The following SLC41A2 variants were observed in gnomAD, a reference collection of about 807,000 sequenced individuals.
SLC41A2 encodes solute carrier family 41 member 2.
A neutral mutation model predicts 58.3 loss-of-function variants in SLC41A2; 32 were observed. The ratio of observed to expected loss-of-function variants is 0.55; its 90% confidence interval spans 0.41 to 0.74. The LOEUF is 0.74. SLC41A2 is among the 30% of genes least tolerant of loss of function. The pLI is 0.00. For synonymous variants in SLC41A2, 190 were observed against 235.0 expected, an observed-to-expected ratio of 0.81 and a Z score of 1.75; for missense variants, 514 against 680.6, an observed-to-expected ratio of 0.76 and a Z score of 2.72.
intron 3 of SLC41A2, among the ~76,000 whole-genome samples, chr12:104,897,144 CTTTTTT>C (rs71440558): frequency 1.0e-4 from 12 of 120,290 alleles, no homozygotes; most frequent in South Asian, 2.6e-4. Context: ...TTTCTTTTTT[CTTTTTT>C]TTTTTTTTTT....
At chr12:104,905,222 T>C (rs1348760079) in intron 3 of SLC41A2, among the ~76,000 whole-genome samples, 1 of 152,164 alleles carries the variant, frequency 6.6e-6, no homozygotes, top group Non-Finnish European at 1.5e-5. Context: ...TTGGTGTGTT[T>C]ACAAACCTTG....
intron 10 of SLC41A2, among the ~76,000 whole-genome samples, chr12:104,819,641 T>C (rs1021446293): frequency 1.3e-5 from 2 of 152,226 alleles, no homozygotes; most frequent in Non-Finnish European, 2.9e-5. Flanking sequence ...GTGCTAGATA[T>C]TGACTATTGG....
At chr12:104,827,244 G>A (rs897297483) in intron 10 of SLC41A2, among the ~76,000 whole-genome samples, 1 of 152,186 alleles carries the variant, frequency 6.6e-6, no homozygotes, top group Non-Finnish European at 1.5e-5. Context: ...CTGATATCAG[G>A]AGGAAGCTAT....
intron 1 of SLC41A2, among the ~76,000 whole-genome samples, chr12:104,932,046 C>CCA (rs2047074661): frequency 6.6e-6 from 1 of 152,154 alleles, no homozygotes; most frequent in Non-Finnish European, 1.5e-5. Flanking sequence ...ATGCCACAGA[C>CCA]CACATATCAC....
chr12:104,810,354 G>C (rs1346919535), intron 10 of SLC41A2, among the ~76,000 whole-genome samples: 1 of 151,820 alleles, frequency 6.6e-6, no homozygotes, highest in Non-Finnish European at 1.5e-5. Context: ...AATGAGGGTA[G>C]CTAATTTCTC....
intron 4 of SLC41A2, among the ~76,000 whole-genome samples, chr12:104,892,321 TA>T (rs1218672461): frequency 0.016 from 1,959 of 119,384 alleles, 216 homozygotes; most frequent in African/African-American, 0.075. Flanking sequence ...TAAAATAAAA[TA>T]AAATAAAATA....
At chr12:104,866,410 A>T (rs1403778814) in intron 7 of SLC41A2, 22 bp downstream of exon 7, 3 of 1,594,808 alleles carry the variant, frequency 1.9e-6, no homozygotes, top group Non-Finnish European at 2.6e-6. Context: ...ACACACACAC[A>T]CACACATATT....
intron 3 of SLC41A2, among the ~76,000 whole-genome samples, chr12:104,896,244 T>C (rs11829667): frequency 5.9e-5 from 9 of 152,366 alleles, no homozygotes; most frequent in African/African-American, 2.2e-4. Context: ...TTAAGTGCTA[T>C]ATAAACATTT....
chr12:104,895,425 T>C (rs2045231567), intron 3 of SLC41A2, 80 bp from the exon 4 acceptor site: 1 of 961,086 alleles, frequency 1.0e-6, no homozygotes. Context: ...CATGAAATCT[T>C]AAAGCCCAAA....
At chr12:104,829,294 C>T (rs1385097619) in intron 10 of SLC41A2, among the ~76,000 whole-genome samples, 3 of 152,074 alleles carry the variant, frequency 2.0e-5, no homozygotes, top group African/African-American at 7.2e-5. Context: ...TTTATTCATA[C>T]AATGGACTAC....
intron 10 of SLC41A2, among the ~76,000 whole-genome samples, chr12:104,832,053 A>G (rs2042055712): frequency 6.6e-6 from 1 of 152,200 alleles, no homozygotes; most frequent in African/African-American, 2.4e-5. Context: ...AGACTTTGGC[A>G]GAGCTAAAAA....
chr12:104,861,028 T>C (rs1212536038), intron 8 of SLC41A2, among the ~76,000 whole-genome samples: 1 of 152,206 alleles, frequency 6.6e-6, no homozygotes, highest in Non-Finnish European at 1.5e-5. Flanking sequence ...TTTTGCCACA[T>C]TAATCTTAAG....
At chr12:104,927,909 G>A (rs1292057587) in intron 2 of SLC41A2, 64 bp downstream of exon 2, 7 of 1,423,846 alleles carry the variant, frequency 4.9e-6, no homozygotes, top group Admixed American at 2.3e-5. Flanking sequence ...CCTACATAAA[G>A]CATTTTAAAC....
At chr12:104,860,314 A>G (rs745470961) in intron 8 of SLC41A2, among the ~76,000 whole-genome samples, 8 of 151,452 alleles carry the variant, frequency 5.3e-5, no homozygotes, top group East Asian at 3.9e-4. Context: ...ATGGGTTGAT[A>G]GGTGCAGCAA....
intron 10 of SLC41A2, among the ~76,000 whole-genome samples, chr12:104,840,037 A>T (rs1036092523): frequency 1.9e-4 from 29 of 152,206 alleles, no homozygotes; most frequent in African/African-American, 7.0e-4. Context: ...TTTTCTTTGT[A>T]CCTTCTCAGG....
In SLC41A2 at chr12:104,868,177, T is replaced by C. The variant is rs1362671768; in HGVS notation, c.1028-1598A>G. On this transcript the variant is annotated intron_variant, in intron 6 of 10. Coordinates refer to ENST00000258538, the MANE Select transcript of SLC41A2 (RefSeq NM_001352171.3). Reference sequence around the variant, plus strand: ...TTGAATGGATTCACAGTTCTCCTTGTAAGCCAACAGATAAGGATAAATAAC... The same window carrying C: ...TTGAATGGATTCACAGTTCTCCTTGCAAGCCAACAGATAAGGATAAATAAC... Among the ~76,000 whole-genome samples, 6 of 152,192 alleles carry C rather than the reference T, an allele frequency of 3.9e-5. No individual in the cohort carries two copies. In the East Asian group the frequency reaches 1.2e-3, roughly 29 times the overall value.
At chr12:104,897,066 T>C (rs904879552) in intron 3 of SLC41A2, among the ~76,000 whole-genome samples, 16 of 152,080 alleles carry the variant, frequency 1.1e-4, no homozygotes, top group African/African-American at 3.6e-4. Context: ...CAAACTTCTC[T>C]ATTAAATTCC....
chr12:104,953,092 C>T (rs2048017652), intron 1 of SLC41A2, among the ~76,000 whole-genome samples: 1 of 152,194 alleles, frequency 6.6e-6, no homozygotes, highest in Non-Finnish European at 1.5e-5. Flanking sequence ...AAAGCCTAGC[C>T]CAGTGCCTGT....
rs1163417681 is a variant in SLC41A2, at chr12:104,958,215, G to A, written c.-295C>T. On this transcript the variant is annotated 5_prime_UTR_variant, in exon 1 of 11. Transcript: ENST00000258538. ...CTGGTGCCCGGCACCGGTGGTGGCG[G>A]GGAGGACAGCGGCTCCCAGCCCACA... 1 of 151,560 alleles carries A rather than the reference G, an allele frequency of 6.6e-6. No individual in the cohort carries two copies. Among genetic ancestry groups the A allele is most frequent in the Non-Finnish European group, 1.5e-5 (1 of 67,962 alleles). 9.4% of individuals were successfully genotyped at this position (151,560 alleles called of 1,614,324 possible). A position where few individuals can be genotyped will look rare whatever the true frequency, so the allele number is the denominator to read the frequency against.
Sources: gnomAD v4.1 joint callset for allele counts (sites outside exome capture counted in the v4.1 genomes callset) on GRCh38, gnomAD v4.1.1 for gene constraint, MANE v1.5 for transcripts, NCBI Gene and HGNC (gene_info 2026-07-23, HGNC 2026-07-21) for gene names.